Variants in PTCSC3 observed in about 807,000 individuals in gnomAD.
PTCSC3 encodes papillary thyroid carcinoma susceptibility candidate 3 (non-protein coding).
chr14:36,145,789 G>A (rs1317699866), intron 3 of PTCSC3, among the ~76,000 whole-genome samples: 1 of 147,952 alleles, frequency 6.8e-6, no homozygotes, highest in African/African-American at 2.5e-5. Context: ...GCTTTCTCTT[G>A]TGGGCATTTA....
At chr14:36,156,663 G>A (rs1176089449) in intron 2 of PTCSC3, among the ~76,000 whole-genome samples, 1 of 152,036 alleles carries the variant, frequency 6.6e-6, no homozygotes, top group Non-Finnish European at 1.5e-5. Flanking sequence ...AACATGCAGT[G>A]TTTGGTTTTC....
chr14:36,168,597 G>T (rs1176521418), intron 1 of PTCSC3, among the ~76,000 whole-genome samples: 1 of 151,886 alleles, frequency 6.6e-6, no homozygotes, highest in African/African-American at 2.4e-5. Context: ...AAAGGAAACA[G>T]AGAAAGAAAG....
intron 3 of PTCSC3, among the ~76,000 whole-genome samples, chr14:36,138,312 T>C (rs1188282489): frequency 3.3e-5 from 5 of 152,198 alleles, no homozygotes; most frequent in Admixed American, 3.3e-4. Flanking sequence ...TAGGCAAAGA[T>C]TTCTTGGAAC....
intron 1 of PTCSC3, among the ~76,000 whole-genome samples, chr14:36,171,732 G>A (rs1355984940): frequency 2.6e-5 from 4 of 152,190 alleles, no homozygotes; most frequent in African/African-American, 7.2e-5. Context: ...CAAGAAGCTT[G>A]TAAAAGCAGA....
At chr14:36,172,989 T>C (rs1882216948) in intron 1 of PTCSC3, among the ~76,000 whole-genome samples, 1 of 152,154 alleles carries the variant, frequency 6.6e-6, no homozygotes, top group Non-Finnish European at 1.5e-5. Flanking sequence ...AAAGTAGTTC[T>C]TAGGTTCTCA....
In PTCSC3 at chr14:36,159,709, T is replaced by C. The variant is rs575435969; in HGVS notation, n.231+2915A>G. Among the ~76,000 whole-genome samples the C allele has an allele frequency of 3.3e-5, 5 of 152,328 alleles. No individual in the cohort carries two copies. The South Asian group carries it at 1.0e-3, about 32-fold the overall frequency. Reference sequence around the variant, plus strand: ...AAGTGCTATGTGATGCTGAGAAGAATGTATATTCTGTTGATTTGGGGTGGA... The same window carrying C: ...AAGTGCTATGTGATGCTGAGAAGAACGTATATTCTGTTGATTTGGGGTGGA... On this transcript the variant is annotated intron_variant and non_coding_transcript_variant, in intron 2 of 3. Coordinates refer to ENST00000556013, the Ensembl canonical transcript of PTCSC3.
intron 1 of PTCSC3, among the ~76,000 whole-genome samples, chr14:36,176,091 T>C (rs909522315): frequency 6.6e-6 from 1 of 152,202 alleles, no homozygotes; most frequent in Admixed American, 6.5e-5. Flanking sequence ...CATACATATG[T>C]ACATAATGTC....
intron 1 of PTCSC3, among the ~76,000 whole-genome samples, chr14:36,170,270 A>G (rs889877536): frequency 5.9e-5 from 9 of 152,166 alleles, no homozygotes; most frequent in African/African-American, 2.2e-4. Context: ...CTTTCCTGTG[A>G]AAGAGAATGA....
intron 3 of PTCSC3, among the ~76,000 whole-genome samples, chr14:36,142,748 C>A (rs1433956861): frequency 6.6e-6 from 1 of 151,168 alleles, no homozygotes; most frequent in Admixed American, 6.6e-5. Flanking sequence ...TGCTGGTGCG[C>A]TGCACCCACT....
At chr14:36,162,755 G>A (rs1421236834) in intron 1 of PTCSC3, 1 of 152,206 alleles carries the variant, frequency 6.6e-6, no homozygotes, top group Admixed American at 6.5e-5. Context: ...TGGAGAGGAT[G>A]TTATCATCGT....
intron 3 of PTCSC3, among the ~76,000 whole-genome samples, chr14:36,151,733 C>G (rs1881729111): frequency 6.6e-6 from 1 of 152,182 alleles, no homozygotes; most frequent in Admixed American, 6.5e-5. Flanking sequence ...GACCTTCCAT[C>G]AGGTCAGATA....
chr14:36,172,963 T>G (rs1882216710), intron 1 of PTCSC3, among the ~76,000 whole-genome samples: 1 of 152,118 alleles, frequency 6.6e-6, no homozygotes, highest in African/African-American at 2.4e-5. Flanking sequence ...TTTTAAGTAT[T>G]GGTTATATAC....
chr14:36,137,165 G>A (rs1310578212), intron 3 of PTCSC3, among the ~76,000 whole-genome samples: 1 of 152,174 alleles, frequency 6.6e-6, no homozygotes, highest in Non-Finnish European at 1.5e-5. Context: ...AGGGAGGAAG[G>A]AGGCCATGCA....
At chr14:36,170,207 A>G (rs912776005) in intron 1 of PTCSC3, among the ~76,000 whole-genome samples, 5 of 151,930 alleles carry the variant, frequency 3.3e-5, no homozygotes, top group African/African-American at 4.8e-5. Context: ...ATATTAATAA[A>G]TATCTTCTGT....
chr14:36,174,053 C>T lies in PTCSC3; in HGVS notation n.171+2245G>A, dbSNP rs73253479. 3.2e-4 allele frequency among the ~76,000 whole-genome samples: 48 copies of T among 152,048 alleles called. 1 individual carries two copies. Among genetic ancestry groups the T allele is most frequent in the East Asian group, 1.2e-3 (6 of 5,182 alleles). On this transcript the variant is annotated intron_variant and non_coding_transcript_variant, in intron 1 of 3. Coordinates refer to ENST00000556013, the Ensembl canonical transcript of PTCSC3. ...TTGGTTTTCAGCAGTTTAGCTCTAA[C>T]GTGCCTAGGTGCAGATTTCCTTGTA...
chr14:36,156,511 C>T (rs1173454809), intron 2 of PTCSC3, among the ~76,000 whole-genome samples: 1 of 152,104 alleles, frequency 6.6e-6, no homozygotes, highest in Admixed American at 6.5e-5. Flanking sequence ...TTGTTGCACC[C>T]ATCCGCCCGT....
intron 2 of PTCSC3, among the ~76,000 whole-genome samples, chr14:36,158,749 A>T (rs924699382): frequency 6.6e-6 from 1 of 152,190 alleles, no homozygotes; most frequent in Non-Finnish European, 1.5e-5. Context: ...TTTTGGTATC[A>T]GGATGATGCT....
At chr14:36,173,847 C>T (rs1442607853) in intron 1 of PTCSC3, among the ~76,000 whole-genome samples, 1 of 152,082 alleles carries the variant, frequency 6.6e-6, no homozygotes, top group Non-Finnish European at 1.5e-5. Flanking sequence ...GAGGCTCTTT[C>T]TGCTGGATAT....
At chr14:36,150,275 G>A (rs2139096738) in intron 3 of PTCSC3, among the ~76,000 whole-genome samples, 1 of 152,250 alleles carries the variant, frequency 6.6e-6, no homozygotes, top group Non-Finnish European at 1.5e-5. Flanking sequence ...TGAGGGTAGA[G>A]CCCTCATGAA....
Sources: gnomAD v4.1 joint callset for allele counts (sites outside exome capture counted in the v4.1 genomes callset) on GRCh38, gnomAD v4.1.1 for gene constraint, MANE v1.5 for transcripts, NCBI Gene and HGNC (gene_info 2026-07-23, HGNC 2026-07-21) for gene names.